The following RORB variants were observed in gnomAD, a reference collection of about 807,000 sequenced individuals.
RORB encodes RAR related orphan receptor B.
In RORB, 6 loss-of-function variants were observed where a neutral mutation model predicts 59.1. The observed-to-expected ratio is 0.10, with a 90% CI of 0.06 to 0.20. RORB has a LOEUF of 0.20. Among genes scored for constraint, RORB ranks in the 10% least tolerant of loss-of-function variants. RORB has a pLI of 1.00. For missense variants in RORB, 320 were observed against 560.5 expected (o/e 0.57, Z 4.33); for synonymous variants, 215 against 204.5 (o/e 1.05, Z -0.44).
intron 6 of RORB, among the ~76,000 whole-genome samples, 189 bp from the exon 7 acceptor site, chr9:74,665,299 C>A (rs1229171448): frequency 2.0e-5 from 3 of 151,664 alleles, no homozygotes; most frequent in Non-Finnish European, 4.4e-5. Context: ...TTGCACCAAC[C>A]TAATAGTTAT....
chr9:74,536,119 A>G (rs1282718217), intron 1 of RORB, among the ~76,000 whole-genome samples: 1 of 152,092 alleles, frequency 6.6e-6, no homozygotes, highest in Non-Finnish European at 1.5e-5. Flanking sequence ...TCCATCAAGA[A>G]AAGACAAGAC....
chr9:74,617,221 C>T (rs1587387277), intron 1 of RORB, among the ~76,000 whole-genome samples: 1 of 152,056 alleles, frequency 6.6e-6, no homozygotes, highest in East Asian at 1.9e-4. Flanking sequence ...GTATAAGAAA[C>T]ACAGCTAACA....
chr9:74,509,625 T>C (rs1825908948), intron 1 of RORB, among the ~76,000 whole-genome samples: 1 of 152,098 alleles, frequency 6.6e-6, no homozygotes, highest in African/African-American at 2.4e-5. Context: ...TCTTCAGCTA[T>C]AAGCATTTCA....
chr9:74,531,355 T>G lies in RORB; in HGVS notation c.7+33372T>G, dbSNP rs145468291. Reference sequence around the variant, plus strand: ...AGATGCCACCTTCAGACTAGGTCCATGTGCACAGCCAAATCAAAAGTGGCC... The same window carrying G: ...AGATGCCACCTTCAGACTAGGTCCAGGTGCACAGCCAAATCAAAAGTGGCC... On this transcript the variant is annotated intron_variant, in intron 1 of 9. Coordinates refer to ENST00000376896, the MANE Select transcript of RORB (RefSeq NM_006914.4). Among the ~76,000 whole-genome samples, 96 of 152,114 alleles carry G rather than the reference T, an allele frequency of 6.3e-4. No individual in the cohort carries two copies. In the East Asian group the frequency reaches 0.012, roughly 19 times the overall value.
chr9:74,630,900 C>A (rs555887137), intron 2 of RORB, among the ~76,000 whole-genome samples: 2 of 151,866 alleles, frequency 1.3e-5, no homozygotes, highest in Non-Finnish European at 2.9e-5. Context: ...AACTCTAAAT[C>A]GACTAAAATT....
At chr9:74,527,880 A>C (rs531662389) in intron 1 of RORB, among the ~76,000 whole-genome samples, 1 of 151,988 alleles carries the variant, frequency 6.6e-6, no homozygotes, top group Non-Finnish European at 1.5e-5. Context: ...ATAGGGTAGC[A>C]GGTTGACTTC....
intron 1 of RORB, among the ~76,000 whole-genome samples, chr9:74,619,175 A>G (rs1285875078): frequency 6.6e-6 from 1 of 152,090 alleles, no homozygotes; most frequent in African/African-American, 2.4e-5. Flanking sequence ...CTCTTCAACC[A>G]CCAACTTTAA....
intron 4 of RORB, among the ~76,000 whole-genome samples, chr9:74,653,664 T>G (rs1182057129): frequency 1.3e-5 from 2 of 152,152 alleles, no homozygotes; most frequent in Non-Finnish European, 2.9e-5. Flanking sequence ...TCCGGTGCTC[T>G]TGGTAATAAC....
At chr9:74,555,102 C>G (rs1325997053) in intron 1 of RORB, among the ~76,000 whole-genome samples, 2 of 152,202 alleles carry the variant, frequency 1.3e-5, no homozygotes, top group African/African-American at 4.8e-5. Context: ...TTTTCTCCCT[C>G]ACAGCCCCCT....
At chr9:74,594,162 T>A (rs1587375433) in intron 1 of RORB, among the ~76,000 whole-genome samples, 1 of 152,210 alleles carries the variant, frequency 6.6e-6, no homozygotes, top group East Asian at 1.9e-4. Flanking sequence ...CTTAGCATAA[T>A]GTCAATTGAC....
At chr9:74,675,437 C>T (rs775572202) in intron 9 of RORB, among the ~76,000 whole-genome samples, 5 of 152,022 alleles carry the variant, frequency 3.3e-5, no homozygotes, top group Admixed American at 6.6e-5. Context: ...GTAGGTTGGA[C>T]TGCATGGTCT....
chr9:74,627,680 T>C (rs1823542688), intron 1 of RORB, among the ~76,000 whole-genome samples: 1 of 152,142 alleles, frequency 6.6e-6, no homozygotes, highest in African/African-American at 2.4e-5. Context: ...GAGTAATTTA[T>C]GCAAAGAGAA....
intron 4 of RORB, among the ~76,000 whole-genome samples, chr9:74,654,361 AG>A (rs1824046003): frequency 1.5e-5 from 2 of 132,416 alleles, no homozygotes; most frequent in African/African-American, 6.0e-5. Flanking sequence ...AGAGAGAGAG[AG>A]AGAGAGAGAG....
chr9:74,586,600 CGTGTGTGTGTGT>C (rs1313500289), intron 1 of RORB, among the ~76,000 whole-genome samples: 15 of 141,198 alleles, frequency 1.1e-4, no homozygotes, highest in South Asian at 7.2e-4. Context: ...ATGTAATGTC[CGTGTGTGTGTGT>C]GTGTGTGTGT....
chr9:74,586,874 C>A (rs778154867), intron 1 of RORB, among the ~76,000 whole-genome samples: 3 of 152,040 alleles, frequency 2.0e-5, no homozygotes, highest in Non-Finnish European at 2.9e-5. Context: ...ACAATGTAGC[C>A]TTCTCCTGTC....
In RORB at chr9:74,692,099, A is replaced by T. The variant is rs548876341; in HGVS notation, c.*6481A>T. 6.6e-6 allele frequency: 1 copy of T among 152,334 alleles called. No individual in the cohort carries two copies. The highest frequency in any genetic ancestry group is 2.1e-4 in the South Asian group (1 of 4,832). 9.4% of individuals were successfully genotyped at this position (152,334 alleles called of 1,614,324 possible). On this transcript the variant is annotated 3_prime_UTR_variant, in exon 10 of 10. Transcript: ENST00000376896. ...TTTTGTACACATTTATTTCTTGTTA[A>T]TAACCTGAGGTCAGACCACTCATTT...
chr9:74,684,310 G>A (rs1420415888), intron 9 of RORB, among the ~76,000 whole-genome samples: 1 of 152,100 alleles, frequency 6.6e-6, no homozygotes, highest in East Asian at 1.9e-4. Context: ...TATTGAATAG[G>A]GTAGGGAACA....
chr9:74,541,398 C>T (rs1345995856), intron 1 of RORB, among the ~76,000 whole-genome samples: 1 of 145,236 alleles, frequency 6.9e-6, no homozygotes. Context: ...CTATATTAAA[C>T]AATTATATTT....
intron 1 of RORB, among the ~76,000 whole-genome samples, chr9:74,565,416 T>C (rs141743427): frequency 5.3e-5 from 8 of 152,296 alleles, no homozygotes; most frequent in African/African-American, 1.9e-4. Context: ...AATCAATATG[T>C]TGAGTAACAT....
Sources: allele counts gnomAD v4.1 joint callset (sites outside exome capture counted in the v4.1 genomes callset), GRCh38; gene constraint gnomAD v4.1.1; transcripts MANE v1.5; gene names NCBI Gene and HGNC (gene_info 2026-07-23, HGNC 2026-07-21).